RCOR3: variants seen among roughly 807,000 people sequenced by gnomAD.
RCOR3 encodes the protein REST corepressor 3.
Under a neutral mutation model 64.1 loss-of-function variants are expected in RCOR3, and 13 were observed. That is an observed-to-expected ratio of 0.20 (90% confidence interval 0.13 to 0.32). The LOEUF is 0.32. Among genes scored for constraint, RCOR3 ranks in the 10% least tolerant of loss-of-function variants. The pLI is 1.00. For missense variants in RCOR3, 489 were observed against 701.2 expected (o/e 0.70, Z 3.42); for synonymous variants, 215 against 239.0 (o/e 0.90, Z 0.93).
In RCOR3 at chr1:211,316,278, G is replaced by T. The variant is rs1412527192; in HGVS notation, c.*2510G>T. ...TGTTTTTCTATATGATTTAATTCTA[G>T]TGTAATATGGATGAGGTAAGAGTAA... On this transcript the variant is annotated 3_prime_UTR_variant, in exon 12 of 12. Transcript: ENST00000419091. 1 of 152,102 alleles carries T rather than the reference G, an allele frequency of 6.6e-6. No homozygotes were observed. The highest frequency in any genetic ancestry group is 2.4e-5 in the African/African-American group (1 of 41,414). 9.4% of individuals were successfully genotyped at this position (152,102 alleles called of 1,614,324 possible).
At position 211,296,586 on chromosome 1, in the gene RCOR3, C is replaced by T. The variant is rs149903778; in HGVS notation, c.1017+833C>T. ...ATGGGGAGGCAGAACAGTAGTACTT[C>T]AGAAATTATGTACCATATGCCATCT... On this transcript the variant is annotated intron_variant, in intron 9 of 11. Coordinates refer to ENST00000419091, the MANE Select transcript of RCOR3 (RefSeq NM_001136223.3). Among the ~76,000 whole-genome samples, 487 of 152,144 alleles carry T rather than the reference C, an allele frequency of 3.2e-3. 4 individuals are homozygous for T. The highest frequency in any genetic ancestry group is 4.0e-3 in the Non-Finnish European group (270 of 67,962).
chr1:211,296,117 G>A lies in RCOR3; in HGVS notation c.1017+364G>A, dbSNP rs1366052525. Among the ~76,000 whole-genome samples, 5 of 151,940 alleles carry A rather than the reference G, an allele frequency of 3.3e-5. No homozygotes were observed. The South Asian group carries it at 6.2e-4, about 19-fold the overall frequency. Reference sequence around the variant, plus strand: ...TCCTGCTTGTGTGAATTGGTAACACGGCAAGAAAAATATCATGAAAACAAG... The same window carrying A: ...TCCTGCTTGTGTGAATTGGTAACACAGCAAGAAAAATATCATGAAAACAAG... On this transcript the variant is annotated intron_variant, in intron 9 of 11. Coordinates refer to ENST00000419091, the MANE Select transcript of RCOR3 (RefSeq NM_001136223.3).
intron 10 of RCOR3, among the ~76,000 whole-genome samples, chr1:211,309,350 T>G (rs983564345): frequency 9.9e-5 from 15 of 152,194 alleles, no homozygotes; most frequent in African/African-American, 3.1e-4. Flanking sequence ...TAATATAGAT[T>G]CCTGGTTGGA....
chr1:211,300,071 C>CTTTCT (rs755448660), intron 9 of RCOR3, among the ~76,000 whole-genome samples: 1 of 121,300 alleles, frequency 8.2e-6, no homozygotes, highest in Admixed American at 9.5e-5. Flanking sequence ...TTCTTTCTTT[C>CTTTCT]TTTTTTTTTT....
intron 7 of RCOR3, among the ~76,000 whole-genome samples, chr1:211,285,446 A>G (rs1167854050): frequency 6.6e-6 from 1 of 152,196 alleles, no homozygotes; most frequent in Non-Finnish European, 1.5e-5. Flanking sequence ...TCCCGGAAGC[A>G]CTAAGTGGAA....
At position 211,313,088 on chromosome 1, in the gene RCOR3, T is replaced by C; in HGVS notation, c.1317+127T>C. The C allele has an allele frequency of 1.3e-6, 2 of 1,548,480 alleles. No individual in the cohort carries two copies. Among genetic ancestry groups the C allele is most frequent in the Non-Finnish European group, 1.7e-6 (2 of 1,152,072 alleles). ...CATGAAAGGTTGACAATACACTTCT[T>C]CAGTGGTGCATCTCTCGTGACTCTT... On this transcript the variant is annotated intron_variant, in intron 11 of 11. Transcript: ENST00000419091. The surrounding 1 kb of genome is among the most constrained non-coding windows in gnomAD (Gnocchi z 4.7).
chr1:211,290,999 T>C (rs1429846820), intron 8 of RCOR3, among the ~76,000 whole-genome samples: 2 of 152,018 alleles, frequency 1.3e-5, no homozygotes, highest in Non-Finnish European at 2.9e-5. Context: ...ATAGTTGCTT[T>C]AGTGATTACA....
rs1701781405 is a variant in RCOR3 at position 211,314,765 on chromosome 1, ATACT to A, written c.*1000_*1003del. ...GGTTTCTGAACTTAAAATTGCCCTC[ATACT>A]TAATAATATGGTCTGCATTTAATAT... On this transcript the variant is annotated 3_prime_UTR_variant, in exon 12 of 12. Transcript: ENST00000419091. 1 of 152,180 alleles carries A rather than the reference ATACT, an allele frequency of 6.6e-6. No individual in the cohort carries two copies. The highest frequency in any genetic ancestry group is 1.5e-5 in the Non-Finnish European group (1 of 68,010). The allele number at this position is 152,180 out of a possible 1,614,324, so 9.4% of individuals were successfully genotyped here. A position where few individuals can be genotyped will look rare whatever the true frequency, so the allele number is the denominator to read the frequency against.
intron 8 of RCOR3, chr1:211,291,445 T>G (rs1699230724): frequency 2.5e-6 from 1 of 398,478 alleles, no homozygotes; most frequent in South Asian, 1.9e-5. Context: ...CCCCTGAAAT[T>G]TGAAACACTT....
rs11119719 is a variant in RCOR3 at position 211,295,066 on chromosome 1, T to G, written c.940-610T>G. ...CTAATTTTTTTTTTTTTTTTTTTTT[T>G]TCATAGAGACAGGTTCTCACTATAT... is the stretch of plus-strand genomic sequence containing the variant. On this transcript the variant is annotated intron_variant, in intron 8 of 11. Transcript: ENST00000419091. 2.7e-3 allele frequency among the ~76,000 whole-genome samples: 308 copies of G among 113,268 alleles called. 2 individuals carry two copies. The highest frequency in any genetic ancestry group is 5.8e-3 in the African/African-American group (171 of 29,680). The allele number at this position is 113,268 out of a possible 152,430, so 74.3% of individuals were successfully genotyped here. A position where few individuals can be genotyped will look rare whatever the true frequency, so the allele number is the denominator to read the frequency against.
intron 7 of RCOR3, among the ~76,000 whole-genome samples, chr1:211,285,211 T>C (rs1698362429): frequency 6.6e-6 from 1 of 152,228 alleles, no homozygotes; most frequent in African/African-American, 2.4e-5. Context: ...ATCACCAATA[T>C]AATTTGAATA....
At chr1:211,276,516 T>C (rs1696974153) in intron 5 of RCOR3, 98 bp downstream of exon 5, 5 of 1,132,818 alleles carry the variant, frequency 4.4e-6, no homozygotes, top group Middle Eastern at 2.6e-4. Flanking sequence ...CATTCTTCAA[T>C]TTAATTTTAA....
At chr1:211,262,324 C>T (rs1413588104) in intron 2 of RCOR3, among the ~76,000 whole-genome samples, 10 of 151,944 alleles carry the variant, frequency 6.6e-5, no homozygotes, top group Admixed American at 5.2e-4. Context: ...TATGAGCCAT[C>T]GCGCCCAGCC....
chr1:211,261,436 T>C (rs1356328613), intron 2 of RCOR3, among the ~76,000 whole-genome samples: 1 of 152,234 alleles, frequency 6.6e-6, no homozygotes, highest in East Asian at 1.9e-4. Context: ...GGTTGCCTTC[T>C]AAATGACTGG....
At chr1:211,261,462 A>G (rs1272231410) in intron 2 of RCOR3, among the ~76,000 whole-genome samples, 2 of 152,220 alleles carry the variant, frequency 1.3e-5, no homozygotes, top group South Asian at 4.1e-4. Context: ...AATACATTTT[A>G]TTCAAAGACT....
In RCOR3 at chr1:211,313,750, A is replaced by G. The variant is rs563062577; in HGVS notation, c.1644A>G (p.Ser548=). 4 of 1,614,138 alleles carry G rather than the reference A, an allele frequency of 2.5e-6. No individual in the cohort carries two copies. The South Asian group carries it at 4.4e-5, about 18-fold the overall frequency. ...CACTTATTGGAATTCAGACAGATTCACAGTCCTCACTGCACTAAAAATTAA... is the reference window on the plus strand; with the variant it reads ...CACTTATTGGAATTCAGACAGATTCGCAGTCCTCACTGCACTAAAAATTAA... ...PPSLIGIQTD[S]QSSLH The change falls in exon 12 of 12, where the codon TCA becomes TCG. Residue 548 remains serine (S), a synonymous_variant. Coordinates refer to ENST00000419091, the MANE Select transcript of RCOR3 (RefSeq NM_001136223.3). The surrounding 1 kb of genome is among the most constrained non-coding windows in gnomAD (Gnocchi z 4.7).
At chr1:211,300,031 G>T (rs1198261852) in intron 9 of RCOR3, among the ~76,000 whole-genome samples, 4 of 147,512 alleles carry the variant, frequency 2.7e-5, no homozygotes, top group Non-Finnish European at 6.0e-5. Flanking sequence ...ATCCTATACA[G>T]TTTCAACCGT....
At chr1:211,302,203 A>G (rs1035883522) in intron 9 of RCOR3, 17 of 152,236 alleles carry the variant, frequency 1.1e-4, no homozygotes, top group African/African-American at 3.4e-4. Context: ...TCACTACATC[A>G]TTATCCTTCT....
intron 8 of RCOR3, among the ~76,000 whole-genome samples, chr1:211,291,273 A>C (rs1571929542): frequency 6.6e-6 from 1 of 152,232 alleles, no homozygotes; most frequent in East Asian, 1.9e-4. Context: ...AAAACAGTAC[A>C]GGTTGAGCAT....
Sources: allele counts gnomAD v4.1 joint callset (sites outside exome capture counted in the v4.1 genomes callset), GRCh38; gene constraint gnomAD v4.1.1; non-coding constraint Gnocchi (gnomAD v3.1); transcripts MANE v1.5; gene names NCBI Gene and HGNC (gene_info 2026-07-23, HGNC 2026-07-21).